Variants in XIRP2 observed in about 807,000 individuals in gnomAD.
The protein encoded by XIRP2 is xin actin-binding repeat-containing protein 2.
XIRP2 carries 236 observed loss-of-function variants against 277.0 expected under a neutral mutation model. That is an observed-to-expected ratio of 0.85 (90% confidence interval 0.77 to 0.95). The LOEUF is 0.95. Among genes scored for constraint, XIRP2 ranks in the 40% least tolerant of loss-of-function variants. The pLI is 0.00. For missense variants in XIRP2, 4,640 were observed against 4,157.5 expected (o/e 1.12, Z -3.19); for synonymous variants, 1,490 against 1,416.5 (o/e 1.05, Z -1.17).
chr2:167,129,337 A>G (rs1691305736), intron 2 of XIRP2, among the ~76,000 whole-genome samples: 2 of 152,020 alleles, frequency 1.3e-5, no homozygotes, highest in South Asian at 2.1e-4. Context: ...ATCATTTTAT[A>G]TTTTCCTGGG....
Position 167,110,444 on chromosome 2 carries a change from G to A in XIRP2, c.409-25465G>A, listed in dbSNP as rs557712981. On this transcript the variant is annotated intron_variant, in intron 2 of 10. Transcript: ENST00000409195. The stretch of plus-strand genomic sequence containing the variant: ...ATGGGGAATCCTTTCTTCATTGCTT[G>A]TTTTTGTCAGCTTTGTCAAAGATCA... 1.6e-4 allele frequency among the ~76,000 whole-genome samples: 24 copies of A among 152,224 alleles called. 1 individual carries two copies. In the East Asian group the frequency reaches 3.3e-3, roughly 21 times the overall value.
chr2:167,039,998 T>C (rs1207388808), intron 2 of XIRP2, among the ~76,000 whole-genome samples: 1 of 152,146 alleles, frequency 6.6e-6, no homozygotes, highest in African/African-American at 2.4e-5. Flanking sequence ...TATCAGTAAG[T>C]GAATGAAAAA....
intron 3 of XIRP2, among the ~76,000 whole-genome samples, chr2:167,159,142 A>G (rs1269771246): frequency 6.6e-6 from 1 of 152,112 alleles, no homozygotes; most frequent in Non-Finnish European, 1.5e-5. Flanking sequence ...TCCTTGGTAT[A>G]CCGGGGGAGG....
At chr2:166,971,739 T>C (rs1356539752) in intron 2 of XIRP2, among the ~76,000 whole-genome samples, 1 of 152,114 alleles carries the variant, frequency 6.6e-6, no homozygotes, top group Non-Finnish European at 1.5e-5. Context: ...AAATATTTTG[T>C]AGGTAACTTA....
chr2:167,051,804 A>G (rs943634311), intron 2 of XIRP2, among the ~76,000 whole-genome samples: 1 of 152,092 alleles, frequency 6.6e-6, no homozygotes, highest in African/African-American at 2.4e-5. Context: ...TTTAGTGATA[A>G]CCCTCCGAAT....
In XIRP2 at chr2:167,246,260, T is replaced by C; in HGVS notation, c.4868T>C (p.Ile1623Thr). Residue 1623 changes from isoleucine to threonine, a missense_variant, in exon 9 of 11, where the codon ATT becomes ACT. Ile to Thr is a moderately conservative substitution (Grantham distance 89). Coordinates refer to ENST00000409195, the MANE Select transcript of XIRP2 (RefSeq NM_152381.6). ...AAAAGGGACTGTACTGAAAGAGAGA[T>C]TTTGATTAGTGAAGAAGAGAAGGGA... ...LSKRDCTERE[I>T]LISEEEKGNV... 1 of 1,613,444 alleles carries C rather than the reference T, an allele frequency of 6.2e-7. No homozygotes were observed. The highest frequency in any genetic ancestry group is 1.1e-5 in the South Asian group (1 of 91,042).
chr2:167,168,834 T>G (rs537252342), intron 3 of XIRP2, among the ~76,000 whole-genome samples: 88 of 152,248 alleles, frequency 5.8e-4, no homozygotes, highest in African/African-American at 1.8e-3. Flanking sequence ...CAGGATGATC[T>G]CGATCTCCTG....
rs1301274159 is a variant in XIRP2 at position 167,201,214 on chromosome 2, GA to G, written c.563-9518del. ...AGAAAGAAAGAAAGAAAGAAAGAAA[GA>G]AAGAAAGAAAGAAAGAAAGAAAGAA... On this transcript the variant is annotated intron_variant, in intron 3 of 10. Transcript: ENST00000409195. Among the ~76,000 whole-genome samples, 359 of 98,442 alleles carry G rather than the reference GA, an allele frequency of 3.6e-3. 2 individuals carry two copies. Among genetic ancestry groups the G allele is most frequent in the Admixed American group, 6.2e-3 (60 of 9,636 alleles). 64.6% of individuals were successfully genotyped at this position (98,442 alleles called of 152,430 possible). A position where few individuals can be genotyped will look rare whatever the true frequency, so the allele number is the denominator to read the frequency against.
At chr2:167,240,022 T>C (rs946039487) in intron 6 of XIRP2, 57 bp downstream of exon 6, 17 of 1,445,986 alleles carry the variant, frequency 1.2e-5, no homozygotes, top group Admixed American at 5.0e-5. Flanking sequence ...ATGGAAATTA[T>C]GACTTTGTTG....
At chr2:166,969,298 A>G (rs980530715) in intron 2 of XIRP2, among the ~76,000 whole-genome samples, 4 of 151,972 alleles carry the variant, frequency 2.6e-5, no homozygotes, top group Admixed American at 2.6e-4. Context: ...TAGATGTTCA[A>G]AGGATCAGGA....
rs10189256 is a variant in XIRP2, at chr2:167,235,944, G to A, written c.859-3911G>A. ...ATGCTCATCACTTAAAAGAAAAAAT[G>A]AACTGATTATTCTTTCAAAGCTTGA... is the stretch of plus-strand genomic sequence containing the variant. On this transcript the variant is annotated intron_variant, in intron 5 of 10. Coordinates refer to ENST00000409195, the MANE Select transcript of XIRP2 (RefSeq NM_152381.6). Among the ~76,000 whole-genome samples the A allele has an allele frequency of 4.4e-3, 663 of 152,048 alleles. 3 individuals are homozygous for A. The highest frequency in any genetic ancestry group is 0.013 in the African/African-American group (527 of 41,538).
rs773627704 is a variant in XIRP2 at position 167,250,490 on chromosome 2, C to A, written c.9098C>A (p.Ala3033Asp). 1.2e-6 allele frequency: 2 copies of A among 1,613,538 alleles called. No individual in the cohort carries two copies. Among genetic ancestry groups the A allele is most frequent in the East Asian group, 4.5e-5 (2 of 44,822 alleles). ...TCCTATGAAAATATAATTCAGACAG[C>A]CATGATGTCCTCCAAAACAGGAAAA... The part of the protein sequence containing the change: ...LVSYENIIQT[A>D]MMSSKTGKPG... Residue 3033 changes from alanine to aspartate, a missense_variant, in exon 9 of 11, where the codon GCC becomes GAC. Coordinates refer to ENST00000409195, the MANE Select transcript of XIRP2 (RefSeq NM_152381.6).
At chr2:167,226,394 G>T (rs900392188) in intron 5 of XIRP2, among the ~76,000 whole-genome samples, 31 of 151,962 alleles carry the variant, frequency 2.0e-4, no homozygotes, top group Non-Finnish European at 2.9e-5. Flanking sequence ...GTAGATTGTG[G>T]CAGGATCCCA....
rs773654276 is a variant in XIRP2 at position 167,248,009 on chromosome 2, T to G, written c.6617T>G (p.Leu2206Arg). 1.1e-5 allele frequency: 17 copies of G among 1,613,224 alleles called. No homozygotes were observed. In the South Asian group the frequency reaches 1.9e-4, roughly 18 times the overall value. ...GATATAAAGAAAAAGAATATAAACC[T>G]TCAACCAATGTGGCAGCTTTTGCCT... ...NKDIKKKNIN[L>R]QPMWQLLPVE... The change falls in exon 9 of 11, where the codon CTT (leucine) becomes CGT (arginine). Residue 2206 changes from leucine (L) to arginine (R), a missense_variant. Transcript: ENST00000409195.
chr2:167,161,087 C>G (rs2105340486), intron 3 of XIRP2, among the ~76,000 whole-genome samples: 1 of 152,318 alleles, frequency 6.6e-6, no homozygotes. Context: ...GTCTCACCTC[C>G]AGGTCATGCT....
intron 2 of XIRP2, among the ~76,000 whole-genome samples, chr2:167,075,193 T>C (rs1689529949): frequency 6.6e-6 from 1 of 152,148 alleles, no homozygotes; most frequent in South Asian, 2.1e-4. Flanking sequence ...TTTGTTTTGT[T>C]TTGTTTTGTT....
At chr2:167,094,578 T>A (rs1164468954) in intron 2 of XIRP2, among the ~76,000 whole-genome samples, 2 of 152,230 alleles carry the variant, frequency 1.3e-5, no homozygotes, top group Non-Finnish European at 2.9e-5. Flanking sequence ...TAGGGAATCC[T>A]TTCCCTATTG....
chr2:167,170,780 A>G (rs1489410998), intron 3 of XIRP2, among the ~76,000 whole-genome samples: 1 of 150,674 alleles, frequency 6.6e-6, no homozygotes, highest in African/African-American at 2.4e-5. Context: ...GTACATTTCT[A>G]TTATATGGAT....
chr2:167,177,857 C>T (rs1176275886), intron 3 of XIRP2, among the ~76,000 whole-genome samples: 1 of 152,016 alleles, frequency 6.6e-6, no homozygotes, highest in East Asian at 1.9e-4. Context: ...CAAGCACACA[C>T]AGGTTTGAGA....
Sources: gnomAD v4.1 joint callset for allele counts (sites outside exome capture counted in the v4.1 genomes callset) on GRCh38, gnomAD v4.1.1 for gene constraint, MANE v1.5 for transcripts, NCBI Gene and HGNC (gene_info 2026-07-23, HGNC 2026-07-21) for gene names.